The following PRDM6 variants were observed in gnomAD, a reference collection of about 807,000 sequenced individuals.
PRDM6 encodes the protein PR/SET domain 6.
Under a neutral mutation model 60.8 loss-of-function variants are expected in PRDM6, and 25 were observed. That is an observed-to-expected ratio of 0.41 (90% CI 0.30 to 0.57). The LOEUF (loss-of-function observed/expected upper bound fraction) is 0.57. Among genes scored for constraint, PRDM6 ranks in the 20% least tolerant of loss-of-function variants. The pLI, the probability that PRDM6 is intolerant of heterozygous loss-of-function variation, is 0.27. For missense variants in PRDM6, 839 were observed against 821.3 expected (o/e 1.02, Z -0.26); for synonymous variants, 407 against 357.4 (o/e 1.14, Z -1.57).
Position 123,170,891 on chromosome 5 carries a change from A to G in PRDM6, c.1279A>G (p.Ser427Gly), listed in dbSNP as rs1018025633. ...RSVVFPQTPCSRNFSLLDKSG... is the reference protein window; with the variant it reads ...RSVVFPQTPCGRNFSLLDKSG... The stretch of plus-strand genomic sequence containing the variant: ...CGTTGTTTTCCCCCAGACTCCGTGC[A>G]GCAGGAACTTCTCTCTTCTGGATAA... Residue 427 changes from serine (S) to glycine (G), a missense_variant, in exon 6 of 8, where the codon AGC becomes GGC. Ser to Gly is a moderately conservative substitution (Grantham distance 56). This residue lies in a region of PRDM6 where 730 missense variants were observed against 648.8 expected (regional missense o/e 1.13). Coordinates refer to ENST00000407847, the MANE Select transcript of PRDM6 (RefSeq NM_001136239.4). 4.5e-6 allele frequency: 7 copies of G among 1,552,278 alleles called. No individual in the cohort carries two copies. Among genetic ancestry groups the G allele is most frequent in the Non-Finnish European group, 6.1e-6 (7 of 1,147,110 alleles).
At chr5:123,115,761 A>G (rs1187346121) in intron 3 of PRDM6, among the ~76,000 whole-genome samples, 1 of 152,164 alleles carries the variant, frequency 6.6e-6, no homozygotes. Context: ...TCTTAATATG[A>G]TTGAATCCAA....
intron 3 of PRDM6, among the ~76,000 whole-genome samples, chr5:123,153,967 G>A (rs1765435639): frequency 6.6e-6 from 1 of 152,126 alleles, no homozygotes; most frequent in African/African-American, 2.4e-5. Context: ...AGGGTAGGGG[G>A]CTGGGTCATC....
intron 5 of PRDM6, among the ~76,000 whole-genome samples, chr5:123,161,476 G>A (rs1765629523): frequency 6.6e-6 from 1 of 152,104 alleles, no homozygotes; most frequent in Admixed American, 6.5e-5. Flanking sequence ...GGGAGTTACA[G>A]TTTCAGAGAG....
intron 3 of PRDM6, among the ~76,000 whole-genome samples, chr5:123,151,621 C>T (rs1020997927): frequency 6.6e-6 from 1 of 152,154 alleles, no homozygotes; most frequent in African/African-American, 2.4e-5. Context: ...AACAGATGGT[C>T]TCTGAGGTCC....
chr5:123,126,712 G>A (rs1764702105), intron 3 of PRDM6, among the ~76,000 whole-genome samples: 1 of 152,172 alleles, frequency 6.6e-6, no homozygotes, highest in Non-Finnish European at 1.5e-5. Context: ...GTAGGAAATA[G>A]GATTTAATTT....
chr5:123,149,605 C>CA (rs1765329128), intron 3 of PRDM6, among the ~76,000 whole-genome samples: 2 of 152,206 alleles, frequency 1.3e-5, no homozygotes, highest in Non-Finnish European at 2.9e-5. Flanking sequence ...ACAAGCGACA[C>CA]TGCAATGAAC....
intron 3 of PRDM6, among the ~76,000 whole-genome samples, chr5:123,123,992 C>G (rs867579016): frequency 6.6e-6 from 1 of 152,114 alleles, no homozygotes. Flanking sequence ...ATTCCTTAAA[C>G]GATACTCATT....
At chr5:123,102,212 G>C (rs556667832) in intron 3 of PRDM6, among the ~76,000 whole-genome samples, 1 of 152,060 alleles carries the variant, frequency 6.6e-6, no homozygotes, top group Non-Finnish European at 1.5e-5. Flanking sequence ...ACTAACTGGG[G>C]CCAGGTAACT....
chr5:123,194,029 T>A lies in PRDM6; in HGVS notation c.*6828T>A, dbSNP rs1372328208. ...GGGCCACTGATATGACAAGAATGATTATCCCACAGTAAGAATGGGTAAAAC... is the reference window on the plus strand; with the variant it reads ...GGGCCACTGATATGACAAGAATGATAATCCCACAGTAAGAATGGGTAAAAC... On this transcript the variant is annotated 3_prime_UTR_variant, in exon 8 of 8. Coordinates refer to ENST00000407847, the MANE Select transcript of PRDM6 (RefSeq NM_001136239.4). The A allele has an allele frequency of 6.6e-6, 1 of 152,050 alleles. No individual in the cohort carries two copies. Among genetic ancestry groups the A allele is most frequent in the Admixed American group, 6.6e-5 (1 of 15,260 alleles). The allele number at this position is 152,050 out of a possible 1,614,324, so 9.4% of individuals were successfully genotyped here.
chr5:123,172,332 G>A (rs1462026650), intron 6 of PRDM6, among the ~76,000 whole-genome samples: 2 of 152,162 alleles, frequency 1.3e-5, no homozygotes, highest in Admixed American at 1.3e-4. Context: ...TACTTGCTTA[G>A]CATCAACATT....
chr5:123,150,301 T>A (rs1435881781), intron 3 of PRDM6, among the ~76,000 whole-genome samples: 1 of 152,120 alleles, frequency 6.6e-6, no homozygotes, highest in African/African-American at 2.4e-5. Flanking sequence ...GACACCCACA[T>A]GCAAGCTCTT....
At chr5:123,177,592 C>A (rs1766045915) in intron 6 of PRDM6, among the ~76,000 whole-genome samples, 1 of 152,160 alleles carries the variant, frequency 6.6e-6, no homozygotes, top group Non-Finnish European at 1.5e-5. Context: ...TTTAAATTTT[C>A]CATATTCCAA....
chr5:123,090,536 C>CTA lies in PRDM6; in HGVS notation c.524_525dup (p.Tyr176IlefsTer118). ...TCCGCTGCAGCGCAGAGGAGCTGGA[C>CTA]TATTACCTGTATGGCCAGCAGCGCA... On this transcript the variant is annotated frameshift_variant, in exon 2 of 8. Coordinates refer to ENST00000407847, the MANE Select transcript of PRDM6 (RefSeq NM_001136239.4). LOFTEE classifies it high-confidence loss of function. The CTA allele has an allele frequency of 6.6e-7, 1 of 1,521,240 alleles. No individual in the cohort carries two copies. Among genetic ancestry groups the CTA allele is most frequent in the Non-Finnish European group, 8.8e-7 (1 of 1,142,192 alleles). The allele number at this position is 1,521,240 out of a possible 1,614,324, so 94.2% of individuals were successfully genotyped here. A position where few individuals can be genotyped will look rare whatever the true frequency, so the allele number is the denominator to read the frequency against.
Position 123,180,223 on chromosome 5 carries a change from A to T in PRDM6, c.1573A>T (p.Ser525Cys). 2 of 1,552,084 alleles carry T rather than the reference A, an allele frequency of 1.3e-6. No individual in the cohort carries two copies. The highest frequency in any genetic ancestry group is 1.7e-6 in the Non-Finnish European group (2 of 1,147,078). Residue 525 changes from serine to cysteine, a missense_variant, in exon 7 of 8, where the codon AGT becomes TGT. Ser to Cys is a moderately radical substitution (Grantham distance 112). Transcript: ENST00000407847. ...GAGGAACCACGTGGTCACTCACTCT[A>T]GTGACCGGCCTTTCAAGTGCGGCTA... ...ELRNHVVTHS[S>C]DRPFKCGYCG...
chr5:123,151,467 C>T (rs542702705), intron 3 of PRDM6, among the ~76,000 whole-genome samples: 1 of 152,182 alleles, frequency 6.6e-6, no homozygotes, highest in South Asian at 2.1e-4. Context: ...CAGCACACTC[C>T]CAGATGGGGA....
intron 4 of PRDM6, among the ~76,000 whole-genome samples, chr5:123,157,062 C>CTTTT (rs35295245): frequency 7.1e-6 from 1 of 140,496 alleles, no homozygotes; most frequent in Non-Finnish European, 1.6e-5. Flanking sequence ...TTTTCCTTTC[C>CTTTT]TTTTTTTTTT....
intron 3 of PRDM6, among the ~76,000 whole-genome samples, chr5:123,102,340 G>T (rs1221655813): frequency 6.6e-6 from 1 of 152,026 alleles, no homozygotes; most frequent in African/African-American, 2.4e-5. Context: ...TAAGCATTAT[G>T]ATTTATTTTT....
intron 7 of PRDM6, among the ~76,000 whole-genome samples, chr5:123,186,359 C>G (rs577613256): frequency 3.9e-5 from 6 of 152,270 alleles, no homozygotes; most frequent in Admixed American, 2.0e-4. Context: ...AGATTACAGT[C>G]TTTTTTTGTT....
intron 3 of PRDM6, among the ~76,000 whole-genome samples, chr5:123,155,463 C>T (rs2126872402): frequency 6.6e-6 from 1 of 151,942 alleles, no homozygotes; most frequent in Non-Finnish European, 1.5e-5. Flanking sequence ...ACAGTTACTG[C>T]CTCCCGAATG....
Sources: allele counts gnomAD v4.1 joint callset (sites outside exome capture counted in the v4.1 genomes callset), GRCh38; gene constraint gnomAD v4.1.1; regional missense constraint gnomAD v4.1.1; transcripts MANE v1.5; gene names NCBI Gene and HGNC (gene_info 2026-07-23, HGNC 2026-07-21).